Variants in RYR2 observed in about 807,000 individuals in gnomAD.
RYR2 encodes cardiac muscle ryanodine receptor-calcium release channel.
RYR2 carries 227 observed loss-of-function variants against 601.1 expected under a neutral mutation model. The observed-to-expected ratio is 0.38, with a 90% CI of 0.34 to 0.42. RYR2 has a LOEUF of 0.42. Ranked by LOEUF, RYR2 falls within the 10% of genes least tolerant of loss-of-function variation. The probability of loss-of-function intolerance (pLI) is 1.00; values close to 1 mark genes in which losing one functional copy is unlikely to be tolerated. For missense variants in RYR2, 4,646 were observed against 6,156.5 expected (o/e 0.75, Z 8.21); for synonymous variants, 2,223 against 2,175.1 (o/e 1.02, Z -0.61).
At chr1:237,647,117 T>A (rs1320276468) in intron 48 of RYR2, among the ~76,000 whole-genome samples, 3 of 152,332 alleles carry the variant, frequency 2.0e-5, no homozygotes, top group Non-Finnish European at 4.4e-5. Flanking sequence ...GAATTGAAAT[T>A]GAATTTTATA....
At chr1:237,319,898 A>G (rs957156669) in intron 2 of RYR2, among the ~76,000 whole-genome samples, 2 of 152,198 alleles carry the variant, frequency 1.3e-5, no homozygotes, top group African/African-American at 4.8e-5. Context: ...TGTCACTTTC[A>G]TAGATGGTGC....
chr1:237,587,477 AGCTTTTAAATAAAAACCCT>A (rs1216474928), intron 29 of RYR2, among the ~76,000 whole-genome samples: 17 of 152,298 alleles, frequency 1.1e-4, no homozygotes, highest in African/African-American at 4.1e-4. Context: ...ACTATTCTGA[AGCTTTTAAATAAAAACCCT>A]GCTGCTGTTT....
intron 87 of RYR2, among the ~76,000 whole-genome samples, chr1:237,776,094 G>A (rs140637478): frequency 1.1e-3 from 167 of 152,190 alleles, no homozygotes; most frequent in Non-Finnish European, 1.8e-3. Flanking sequence ...TTTCTGACTT[G>A]AAGAAAAAAC....
chr1:237,811,355 A>G (rs900999844), intron 100 of RYR2, among the ~76,000 whole-genome samples: 1 of 152,168 alleles, frequency 6.6e-6, no homozygotes, highest in Non-Finnish European at 1.5e-5. Flanking sequence ...TTATTTGTGT[A>G]AAGAAGTTTT....
chr1:237,650,399 A>G (rs1682607830), intron 50 of RYR2, among the ~76,000 whole-genome samples: 1 of 152,148 alleles, frequency 6.6e-6, no homozygotes, highest in African/African-American at 2.4e-5. Flanking sequence ...GTCCTTGGCC[A>G]CTTTAGGTGA....
Position 237,350,602 on chromosome 1 carries a change from AATATATATATATAT to A in RYR2, c.274-5344_274-5331del, listed in dbSNP as rs1177777241. Among the ~76,000 whole-genome samples the A allele has an allele frequency of 6.1e-3, 226 of 36,982 alleles. 6 individuals carry two copies. Among genetic ancestry groups the A allele is most frequent in the African/African-American group, 0.021 (204 of 9,704 alleles). The allele number at this position is 36,982 out of a possible 152,430, so 24.3% of individuals were successfully genotyped here. The stretch of plus-strand genomic sequence containing the variant: ...AAAAAAAAAAAAAAAAAAAAAAAAA[AATATATATATATAT>A]ATATATATATATATATATCTCTGAC... On this transcript the variant is annotated intron_variant, in intron 3 of 104. Coordinates refer to ENST00000366574, the MANE Select transcript of RYR2 (RefSeq NM_001035.3).
chr1:237,326,751 A>G (rs1329251326), intron 2 of RYR2, among the ~76,000 whole-genome samples: 1 of 152,232 alleles, frequency 6.6e-6, no homozygotes, highest in Non-Finnish European at 1.5e-5. Context: ...AAAAGATGAT[A>G]ATTTTCAAAT....
chr1:237,471,554 G>T (rs552251803), intron 17 of RYR2, among the ~76,000 whole-genome samples: 107 of 152,306 alleles, frequency 7.0e-4, no homozygotes, highest in African/African-American at 2.4e-3. Context: ...TCTGTAAAGA[G>T]ATAGGTGCAG....
intron 84 of RYR2, among the ~76,000 whole-genome samples, chr1:237,763,393 G>A (rs981566908): frequency 8.5e-5 from 13 of 152,142 alleles, no homozygotes; most frequent in Admixed American, 3.3e-4. Context: ...TCTCCTCCTC[G>A]CCAGTGTGCT....
At chr1:237,222,662 A>G (rs1314916528) in intron 1 of RYR2, among the ~76,000 whole-genome samples, 1 of 152,192 alleles carries the variant, frequency 6.6e-6, no homozygotes, top group African/African-American at 2.4e-5. Flanking sequence ...TACCTGCAAC[A>G]TAGACAAAAG....
intron 1 of RYR2, among the ~76,000 whole-genome samples, chr1:237,087,135 T>C (rs1666428374): frequency 6.6e-6 from 1 of 152,194 alleles, no homozygotes; most frequent in African/African-American, 2.4e-5. Context: ...GGGACTGCAT[T>C]CGGGAAAACT....
intron 1 of RYR2, among the ~76,000 whole-genome samples, chr1:237,115,613 A>G (rs759456403): frequency 6.6e-6 from 1 of 152,240 alleles, no homozygotes; most frequent in Non-Finnish European, 1.5e-5. Context: ...TACCAAAGAC[A>G]AAGGTTCATT....
At chr1:237,549,606 C>T (rs968791652) in intron 26 of RYR2, among the ~76,000 whole-genome samples, 2 of 150,572 alleles carry the variant, frequency 1.3e-5, no homozygotes, top group African/African-American at 4.9e-5. Flanking sequence ...CCAGAACAAC[C>T]CCTGTGTGAT....
intron 2 of RYR2, among the ~76,000 whole-genome samples, chr1:237,289,157 G>T (rs890893251): frequency 6.6e-6 from 1 of 152,118 alleles, no homozygotes; most frequent in East Asian, 1.9e-4. Flanking sequence ...TTTTAGGGGG[G>T]TCTCCCGGGT....
At chr1:237,254,173 A>G (rs775441881) in intron 1 of RYR2, among the ~76,000 whole-genome samples, 2 of 151,952 alleles carry the variant, frequency 1.3e-5, no homozygotes, top group African/African-American at 4.8e-5. Context: ...TTCTCCTATG[A>G]TGGTATACTA....
chr1:237,211,597 A>G (rs1682580212), intron 1 of RYR2, among the ~76,000 whole-genome samples: 1 of 152,154 alleles, frequency 6.6e-6, no homozygotes, highest in Admixed American at 6.5e-5. Context: ...AAAACAAACC[A>G]CTGAATCATC....
chr1:237,434,032 T>C (rs528911863), intron 12 of RYR2, among the ~76,000 whole-genome samples: 6 of 152,330 alleles, frequency 3.9e-5, no homozygotes, highest in Admixed American at 3.9e-4. Flanking sequence ...AGCTTTCATC[T>C]GGGTTTAGGA....
rs959757688 is a variant in RYR2 at position 237,071,956 on chromosome 1, C to T, written c.48+29387C>T. 2.0e-5 allele frequency among the ~76,000 whole-genome samples: 3 copies of T among 152,250 alleles called. No homozygotes were observed. The South Asian group carries it at 6.2e-4, about 32-fold the overall frequency. On this transcript the variant is annotated intron_variant, in intron 1 of 104. Coordinates refer to ENST00000366574, the MANE Select transcript of RYR2 (RefSeq NM_001035.3). ...TGGCCAGGTCGCGATAGCGCCCGGG[C>T]TCGGCTTCTACTTTACTCTGAAATT... is the stretch of plus-strand genomic sequence containing the variant.
intron 77 of RYR2, 89 bp from the exon 78 acceptor site, chr1:237,731,957 A>C (rs2149167294): frequency 1.3e-6 from 1 of 742,474 alleles, no homozygotes; most frequent in African/African-American, 1.8e-5. Context: ...CATTCCTTTT[A>C]TTCTTCATTG....
Sources: allele counts gnomAD v4.1 joint callset (sites outside exome capture counted in the v4.1 genomes callset), GRCh38; gene constraint gnomAD v4.1.1; transcripts MANE v1.5; gene names NCBI Gene and HGNC (gene_info 2026-07-23, HGNC 2026-07-21).